Variants in DPT observed in about 807,000 individuals in gnomAD.
DPT encodes the protein tyrosine-rich acidic matrix protein.
A neutral mutation model predicts 31.2 loss-of-function variants in DPT; 21 were observed. That is an observed-to-expected ratio of 0.67 (90% confidence interval 0.48 to 0.97). The LOEUF (loss-of-function observed/expected upper bound fraction) is 0.97, where lower values mean the gene tolerates loss of function less well. Ranked by LOEUF, DPT falls within the 50% of genes least tolerant of loss-of-function variation. The probability of loss-of-function intolerance (pLI) is 0.00; values close to 1 mark genes in which losing one functional copy is unlikely to be tolerated. For missense variants in DPT, 262 were observed against 258.8 expected, an observed-to-expected ratio of 1.01 and a Z score of -0.08; for synonymous variants, 91 against 86.9, an observed-to-expected ratio of 1.05 and a Z score of -0.26.
intron 2 of DPT, among the ~76,000 whole-genome samples, chr1:168,704,522 G>C (rs1649675113): frequency 6.6e-6 from 1 of 152,216 alleles, no homozygotes; most frequent in African/African-American, 2.4e-5. Context: ...ACTCCAGCCC[G>C]GGCGACAGAG....
intron 2 of DPT, among the ~76,000 whole-genome samples, chr1:168,708,383 CAAT>C (rs1344151422): frequency 1.3e-5 from 2 of 152,100 alleles, no homozygotes; most frequent in African/African-American, 4.8e-5. Context: ...GCTGTCTGCA[CAAT>C]GAGTGCTATG....
intron 2 of DPT, among the ~76,000 whole-genome samples, chr1:168,701,640 G>A (rs908824808): frequency 1.6e-4 from 25 of 152,260 alleles, no homozygotes; most frequent in Admixed American, 9.8e-4. Context: ...TACATATTGC[G>A]ATAGTTTAAT....
chr1:168,698,009 C>T (rs1466464562), intron 3 of DPT, among the ~76,000 whole-genome samples: 1 of 152,132 alleles, frequency 6.6e-6, no homozygotes, highest in Non-Finnish European at 1.5e-5. Context: ...CATTCCAAAG[C>T]TTGGTGGGGT....
chr1:168,728,106 A>G (rs753998455), intron 1 of DPT, among the ~76,000 whole-genome samples: 15 of 152,172 alleles, frequency 9.9e-5, no homozygotes, highest in Non-Finnish European at 2.1e-4. Flanking sequence ...CACACCCCAC[A>G]AAAAAGTACA....
At chr1:168,709,588 T>G (rs1204370000) in intron 2 of DPT, among the ~76,000 whole-genome samples, 2 of 152,208 alleles carry the variant, frequency 1.3e-5, no homozygotes, top group Non-Finnish European at 2.9e-5. Context: ...TTGGATGATT[T>G]GTTTTTTCCA....
chr1:168,714,598 A>G (rs1439190039), intron 1 of DPT, among the ~76,000 whole-genome samples: 1 of 152,188 alleles, frequency 6.6e-6, no homozygotes, highest in Non-Finnish European at 1.5e-5. Flanking sequence ...CTCTTTCAAT[A>G]TATATTGTTA....
intron 2 of DPT, among the ~76,000 whole-genome samples, chr1:168,707,164 T>A (rs1228892280): frequency 3.9e-5 from 6 of 152,166 alleles, no homozygotes; most frequent in African/African-American, 1.4e-4. Context: ...AGTTCCCTCA[T>A]CTGTATGATA....
At chr1:168,723,533 C>T (rs12095267) in intron 1 of DPT, among the ~76,000 whole-genome samples, 2,654 of 152,262 alleles carry the variant, frequency 0.017, 82 homozygotes, top group African/African-American at 0.06. Flanking sequence ...AGGGTTAGGG[C>T]CATAGAACCT....
At chr1:168,722,419 C>T (rs890076017) in intron 1 of DPT, among the ~76,000 whole-genome samples, 1 of 152,134 alleles carries the variant, frequency 6.6e-6, no homozygotes. Flanking sequence ...ATACTTGTCT[C>T]CATGAGTCTC....
chr1:168,717,398 G>T (rs926919005), intron 1 of DPT, among the ~76,000 whole-genome samples: 5 of 152,144 alleles, frequency 3.3e-5, no homozygotes, highest in Non-Finnish European at 7.3e-5. Context: ...TTTTTGATGG[G>T]ATTGTTTCTT....
At chr1:168,720,714 C>T (rs1323982485) in intron 1 of DPT, among the ~76,000 whole-genome samples, 1 of 152,164 alleles carries the variant, frequency 6.6e-6, no homozygotes, top group Admixed American at 6.5e-5. Context: ...AGACAAGTGG[C>T]TCACTCCATG....
At chr1:168,725,165 A>C (rs1650209680) in intron 1 of DPT, among the ~76,000 whole-genome samples, 1 of 143,586 alleles carries the variant, frequency 7.0e-6, no homozygotes, top group South Asian at 2.3e-4. Context: ...GCAGCTTGTG[A>C]GGTGGGAGTC....
Position 168,729,064 on chromosome 1 carries a change from C to T in DPT, c.111G>A (p.Gly37=). The T allele has an allele frequency of 6.2e-7, 1 of 1,614,248 alleles. No individual in the cohort carries two copies. The highest frequency in any genetic ancestry group is 8.5e-7 in the Non-Finnish European group (1 of 1,180,042). Residue 37 remains glycine, a synonymous_variant, in exon 1 of 4, where the codon GGG becomes GGA. Coordinates refer to ENST00000367817, the MANE Select transcript of DPT (RefSeq NM_001937.5). The part of the protein sequence containing the change: ...YQQYHDYSDD[G]WVNLNRQGFS... The stretch of plus-strand genomic sequence containing the variant: ...AGCCTTGCCGGTTCAAATTCACCCA[C>T]CCATCATCGCTGTAGTCATGATACT...
chr1:168,704,336 C>T (rs1649667778), intron 2 of DPT, among the ~76,000 whole-genome samples: 1 of 152,210 alleles, frequency 6.6e-6, no homozygotes, highest in African/African-American at 2.4e-5. Flanking sequence ...AATGAGTCTA[C>T]TTTTCAAACA....
intron 1 of DPT, among the ~76,000 whole-genome samples, chr1:168,728,425 A>G (rs887456557): frequency 1.3e-5 from 2 of 152,230 alleles, no homozygotes; most frequent in Non-Finnish European, 2.9e-5. Context: ...TTCCCAAACT[A>G]CTGTGGGCCA....
At chr1:168,728,417 C>T (rs1029035804) in intron 1 of DPT, among the ~76,000 whole-genome samples, 1 of 152,098 alleles carries the variant, frequency 6.6e-6, no homozygotes, top group Non-Finnish European at 1.5e-5. Flanking sequence ...TTTTCTTGTT[C>T]CCAAACTACT....
At position 168,701,095 on chromosome 1, in the gene DPT, C is replaced by T. The variant is rs1356912633; in HGVS notation, c.461G>A (p.Gly154Asp). The T allele has an allele frequency of 1.2e-6, 2 of 1,613,734 alleles. No homozygotes were observed. Among genetic ancestry groups the T allele is most frequent in the African/African-American group, 1.3e-5 (1 of 75,020 alleles). Residue 154 changes from glycine (G) to aspartate (D), a missense_variant, in exon 3 of 4, where the codon GGT becomes GAT. By Grantham distance (94) the Gly-to-Asp change is moderately conservative. Coordinates refer to ENST00000367817, the MANE Select transcript of DPT (RefSeq NM_001937.5). ...GTAGGAAATCATGTCCATTTCCTCA[C>T]CATAGTGACCTGGATATTCTGTTGT... ...WLTTEYPGHY[G>D]EEMDMISYNY...
At position 168,714,082 on chromosome 1, in the gene DPT, A is replaced by C. The variant is rs1649926240; in HGVS notation, c.431+139T>G. ...CTTGGCGGGAACATCCTCCTAAGTC[A>C]TTCATTCATTCTTGTCTATATGCCA... is the stretch of plus-strand genomic sequence containing the variant. On this transcript the variant is annotated intron_variant, in intron 2 of 3. Coordinates refer to ENST00000367817, the MANE Select transcript of DPT (RefSeq NM_001937.5). The C allele has an allele frequency of 8.3e-6, 9 of 1,088,474 alleles. No individual in the cohort carries two copies. In the South Asian group the frequency reaches 9.8e-5, roughly 12 times the overall value. 67.4% of individuals were successfully genotyped at this position (1,088,474 alleles called of 1,614,324 possible).
chr1:168,709,943 C>T (rs1649814283), intron 2 of DPT, among the ~76,000 whole-genome samples: 1 of 152,202 alleles, frequency 6.6e-6, no homozygotes, highest in African/African-American at 2.4e-5. Context: ...ATCATCACAT[C>T]AATGTCAGGT....
Sources: allele counts gnomAD v4.1 joint callset (sites outside exome capture counted in the v4.1 genomes callset), GRCh38; gene constraint gnomAD v4.1.1; transcripts MANE v1.5; gene names NCBI Gene and HGNC (gene_info 2026-07-23, HGNC 2026-07-21).